Variants in CMTM8 observed in about 807,000 individuals in gnomAD.
CMTM8 encodes CKLF-like MARVEL transmembrane domain-containing protein 8.
A neutral mutation model predicts 18.6 loss-of-function variants in CMTM8; 12 were observed. That is an observed-to-expected ratio of 0.65 (90% confidence interval 0.41 to 1.05). The LOEUF is 1.05. Among genes scored for constraint, CMTM8 ranks in the 50% least tolerant of loss-of-function variants. CMTM8 has a pLI of 0.00. For missense variants in CMTM8, 217 were observed against 227.2 expected (o/e 0.95, Z 0.29); for synonymous variants, 87 against 90.6 (o/e 0.96, Z 0.23).
chr3:32,358,346 T>G lies in CMTM8; in HGVS notation c.321+800T>G. Among the ~76,000 whole-genome samples the G allele has an allele frequency of 6.6e-6, 1 of 152,182 alleles. No individual in the cohort carries two copies. Among genetic ancestry groups the G allele is most frequent in the Non-Finnish European group, 1.5e-5 (1 of 68,040 alleles). ...GTGGGTTCCCCTTGCCTTAAGAGCATTGACAATCTGGTTGGCAAATTCAAA... is the reference window on the plus strand; with the variant it reads ...GTGGGTTCCCCTTGCCTTAAGAGCAGTGACAATCTGGTTGGCAAATTCAAA... On this transcript the variant is annotated intron_variant, in intron 2 of 3. Transcript: ENST00000307526. This position sits in a 1 kb window ranked among gnomAD's most constrained non-coding sequence, Gnocchi z 4.1.
intron 1 of CMTM8, among the ~76,000 whole-genome samples, chr3:32,297,660 A>G (rs1337941483): frequency 6.6e-6 from 1 of 152,030 alleles, no homozygotes. Flanking sequence ...CAGTGTCATC[A>G]CAGCATCTTG....
chr3:32,343,582 C>T (rs986404014), intron 1 of CMTM8, among the ~76,000 whole-genome samples: 9 of 152,178 alleles, frequency 5.9e-5, no homozygotes, highest in Admixed American at 4.6e-4. Context: ...TCTTGTATCA[C>T]CATAGTTTCT....
chr3:32,319,000 T>C (rs936885212), intron 1 of CMTM8, among the ~76,000 whole-genome samples: 18 of 148,294 alleles, frequency 1.2e-4, no homozygotes, highest in African/African-American at 3.7e-4. Context: ...CCCTAAACAA[T>C]AGGAATTTTC....
chr3:32,340,885 G>A (rs531887343), intron 1 of CMTM8, among the ~76,000 whole-genome samples: 2 of 152,286 alleles, frequency 1.3e-5, no homozygotes, highest in Admixed American at 1.3e-4. Flanking sequence ...TGTACCCTGG[G>A]CACTCAGTAT....
At chr3:32,312,463 GA>G (rs1224948832) in intron 1 of CMTM8, among the ~76,000 whole-genome samples, 3 of 140,704 alleles carry the variant, frequency 2.1e-5, no homozygotes, top group African/African-American at 9.7e-5. Flanking sequence ...AAAGGATACA[GA>G]TGAACAGCCA....
intron 1 of CMTM8, among the ~76,000 whole-genome samples, chr3:32,317,610 A>G (rs1001738912): frequency 6.6e-6 from 1 of 152,252 alleles, no homozygotes; most frequent in East Asian, 1.9e-4. Flanking sequence ...CCTAAGGTGA[A>G]CCTAAACACA....
At chr3:32,342,404 G>A (rs113162239) in intron 1 of CMTM8, among the ~76,000 whole-genome samples, 199 of 152,308 alleles carry the variant, frequency 1.3e-3, no homozygotes, top group African/African-American at 4.4e-3. Context: ...TTGAATAGAT[G>A]AAAGCAATTT....
chr3:32,360,669 G>A (rs1406109808), intron 2 of CMTM8, among the ~76,000 whole-genome samples: 1 of 152,192 alleles, frequency 6.6e-6, no homozygotes, highest in South Asian at 2.1e-4. Flanking sequence ...TGTCAGGCTG[G>A]GACTTTGTGC....
intron 1 of CMTM8, among the ~76,000 whole-genome samples, chr3:32,308,944 T>C (rs1007706423): frequency 3.3e-5 from 5 of 152,138 alleles, no homozygotes; most frequent in African/African-American, 7.2e-5. Flanking sequence ...CAGCTCTGTA[T>C]CAACCATGAC....
rs368322158 is a variant in CMTM8, at chr3:32,358,557, T to A, written c.321+1011T>A. Among the ~76,000 whole-genome samples, 28 of 152,332 alleles carry A rather than the reference T, an allele frequency of 1.8e-4. No individual in the cohort carries two copies. The East Asian group carries it at 3.5e-3, about 19-fold the overall frequency. On this transcript the variant is annotated intron_variant, in intron 2 of 3. Transcript: ENST00000307526. This position sits in a 1 kb window ranked among gnomAD's most constrained non-coding sequence, Gnocchi z 4.1. The stretch of plus-strand genomic sequence containing the variant: ...AGTCTATTTGTGGTTATAGACTAAG[T>A]TAAGTTGGCACACTTTCAGACAACA...
At chr3:32,360,741 G>C (rs901169693) in intron 2 of CMTM8, among the ~76,000 whole-genome samples, 4 of 152,224 alleles carry the variant, frequency 2.6e-5, no homozygotes, top group Non-Finnish European at 4.4e-5. Context: ...TGCTCAAAGT[G>C]TGGTCCCTGG....
chr3:32,324,264 C>T (rs1178926813), intron 1 of CMTM8, among the ~76,000 whole-genome samples: 1 of 149,062 alleles, frequency 6.7e-6, no homozygotes, highest in Non-Finnish European at 1.5e-5. Context: ...ATGCTTATAA[C>T]ATTAAAAAAA....
At chr3:32,312,928 G>A (rs1208246885) in intron 1 of CMTM8, among the ~76,000 whole-genome samples, 1 of 151,916 alleles carries the variant, frequency 6.6e-6, no homozygotes, top group Non-Finnish European at 1.5e-5. Flanking sequence ...AAGGACAAAA[G>A]ACCAAATCTT....
In CMTM8 at chr3:32,299,239, TC is replaced by T. The variant is rs555646934; in HGVS notation, c.148-58132del. ...ACGATTTCCAAATGTTAATTTTTCT[TC>T]CTTCTACTCCTTCCTTTTGGAGAAG... On this transcript the variant is annotated intron_variant, in intron 1 of 3. Coordinates refer to ENST00000307526, the MANE Select transcript of CMTM8 (RefSeq NM_178868.5). 8.6e-4 allele frequency among the ~76,000 whole-genome samples: 131 copies of T among 152,260 alleles called. 1 individual carries two copies. The highest frequency in any genetic ancestry group is 3.0e-3 in the African/African-American group (126 of 41,542).
At chr3:32,360,555 C>T (rs1183996677) in intron 2 of CMTM8, among the ~76,000 whole-genome samples, 1 of 152,248 alleles carries the variant, frequency 6.6e-6, no homozygotes, top group Admixed American at 6.5e-5. Flanking sequence ...GACTAAACTT[C>T]CATATTTTCC....
chr3:32,361,263 G>C (rs1042400017), intron 2 of CMTM8, among the ~76,000 whole-genome samples: 2 of 88,488 alleles, frequency 2.3e-5, no homozygotes, highest in Admixed American at 1.6e-4. Context: ...TTACAGGTGT[G>C]AGCCACGGCG....
intron 1 of CMTM8, among the ~76,000 whole-genome samples, chr3:32,285,172 G>A (rs1362424556): frequency 6.6e-6 from 1 of 152,162 alleles, no homozygotes; most frequent in Non-Finnish European, 1.5e-5. Flanking sequence ...GTAGTAAAAA[G>A]CAGGGACCTT....
intron 2 of CMTM8, among the ~76,000 whole-genome samples, chr3:32,357,869 G>A (rs1046333113): frequency 2.6e-5 from 4 of 152,164 alleles, no homozygotes; most frequent in African/African-American, 9.7e-5. Flanking sequence ...ATGTCAACTG[G>A]AAATAAATAT....
chr3:32,252,409 T>G (rs1702123768), intron 1 of CMTM8, among the ~76,000 whole-genome samples: 1 of 152,250 alleles, frequency 6.6e-6, no homozygotes. Flanking sequence ...CAATGTGTCT[T>G]AAATTCCATT....
Sources: gnomAD v4.1 joint callset for allele counts (sites outside exome capture counted in the v4.1 genomes callset) on GRCh38, gnomAD v4.1.1 for gene constraint, Gnocchi (gnomAD v3.1) non-coding constraint, MANE v1.5 for transcripts, NCBI Gene and HGNC (gene_info 2026-07-23, HGNC 2026-07-21) for gene names.